The following COL11A1 variants were observed in gnomAD, a reference collection of about 807,000 sequenced individuals.
The protein encoded by COL11A1 is collagen alpha-1(XI) chain.
Under a neutral mutation model 265.2 loss-of-function variants are expected in COL11A1, and 74 were observed. That is an observed-to-expected ratio of 0.28 (90% CI 0.23 to 0.34). The LOEUF is 0.34. Among genes scored for constraint, COL11A1 ranks in the 10% least tolerant of loss-of-function variants. The pLI is 1.00. For missense variants in COL11A1, 2,165 were observed against 2,263.6 expected (o/e 0.96, Z 0.88); for synonymous variants, 816 against 727.6 (o/e 1.12, Z -1.96).
chr1:102,923,889 A>C (rs1023815617), intron 46 of COL11A1, among the ~76,000 whole-genome samples: 2 of 151,996 alleles, frequency 1.3e-5, no homozygotes, highest in African/African-American at 2.4e-5. Flanking sequence ...CAATGAGCCC[A>C]TGAAACCTAC....
At chr1:102,998,732 C>A (rs967511983) in intron 24 of COL11A1, among the ~76,000 whole-genome samples, 7 of 151,506 alleles carry the variant, frequency 4.6e-5, no homozygotes, top group African/African-American at 2.4e-5. Context: ...TGTATTATTT[C>A]CCTCAATAAT....
chr1:102,939,197 G>T, intron 43 of COL11A1, 109 bp from the exon 44 acceptor site: 2 of 974,114 alleles, frequency 2.1e-6, no homozygotes, highest in Non-Finnish European at 3.3e-6. Context: ...ATGCTAGTGT[G>T]TAATGTCACT....
At chr1:103,107,987 G>C in intron 1 of COL11A1, 86 bp downstream of exon 1, 1 of 920,702 alleles carries the variant, frequency 1.1e-6, no homozygotes, top group East Asian at 2.5e-5. Flanking sequence ...TTGAAGAGCG[G>C]GGAGGAAGGG....
At chr1:102,934,062 C>T (rs1036607651) in intron 46 of COL11A1, among the ~76,000 whole-genome samples, 2 of 151,976 alleles carry the variant, frequency 1.3e-5, no homozygotes, top group Admixed American at 6.5e-5. Context: ...GCGTCGCTCA[C>T]GCTGGGAGCT....
At chr1:102,972,991 T>C (rs1662111939) in intron 36 of COL11A1, among the ~76,000 whole-genome samples, 1 of 151,914 alleles carries the variant, frequency 6.6e-6, no homozygotes, top group Admixed American at 6.6e-5. Context: ...TGAATATACA[T>C]CATATATATA....
At chr1:102,970,408 T>C in intron 36 of COL11A1, 136 bp from the exon 37 acceptor site, 1 of 629,510 alleles carries the variant, frequency 1.6e-6, no homozygotes, top group South Asian at 2.2e-5. Context: ...GTTGATTTTA[T>C]ATATGATAAT....
chr1:102,970,127 A>G, intron 37 of COL11A1, 92 bp downstream of exon 37: 2 of 940,998 alleles, frequency 2.1e-6, no homozygotes, highest in Non-Finnish European at 3.4e-6. Flanking sequence ...CAACCTAGTA[A>G]TTGAAATGTT....
chr1:102,902,378 T>A (rs1218571886), intron 54 of COL11A1, among the ~76,000 whole-genome samples: 2 of 152,188 alleles, frequency 1.3e-5, no homozygotes, highest in Non-Finnish European at 2.9e-5. Flanking sequence ...CCAAATTTAG[T>A]ATACAGTTAG....
At position 102,974,523 on chromosome 1, in the gene COL11A1, T is replaced by C. The variant is rs533399864; in HGVS notation, c.2808+307A>G. Among the ~76,000 whole-genome samples, 110 of 151,866 alleles carry C rather than the reference T, an allele frequency of 7.2e-4. 1 individual carries two copies. Among genetic ancestry groups the C allele is most frequent in the African/African-American group, 2.6e-3 (106 of 41,424 alleles). Reference sequence around the variant, plus strand: ...TTCGAATATACCAAATATTTAAGAGTTGATAACAATTTGTAATGTCATCAA... The same window carrying C: ...TTCGAATATACCAAATATTTAAGAGCTGATAACAATTTGTAATGTCATCAA... On this transcript the variant is annotated intron_variant, in intron 36 of 66. Coordinates refer to ENST00000370096, the MANE Select transcript of COL11A1 (RefSeq NM_001854.4).
chr1:102,989,818 T>C (rs1663948674), intron 28 of COL11A1, among the ~76,000 whole-genome samples: 1 of 152,166 alleles, frequency 6.6e-6, no homozygotes, highest in African/African-American at 2.4e-5. Flanking sequence ...AATATGTTCA[T>C]TAAATCTTAT....
chr1:102,893,337 T>C (rs1651998000), intron 57 of COL11A1, among the ~76,000 whole-genome samples: 1 of 152,136 alleles, frequency 6.6e-6, no homozygotes, highest in African/African-American at 2.4e-5. Context: ...TTAATTTATC[T>C]AAGCTAATAA....
chr1:103,067,184 A>C (rs12754301), intron 4 of COL11A1, among the ~76,000 whole-genome samples: 5,709 of 152,078 alleles, frequency 0.038, 122 homozygotes, highest in Middle Eastern at 0.092. Flanking sequence ...GAACAATTTC[A>C]CAATGCACTT....
intron 1 of COL11A1, among the ~76,000 whole-genome samples, chr1:103,105,444 G>A (rs140800666): frequency 7.4e-4 from 112 of 152,018 alleles, no homozygotes; most frequent in African/African-American, 2.6e-3. Flanking sequence ...ATATGACTAG[G>A]TATGAAGTCA....
intron 4 of COL11A1, among the ~76,000 whole-genome samples, chr1:103,073,790 GTA>G (rs1007286569): frequency 7.9e-5 from 12 of 151,708 alleles, no homozygotes; most frequent in Admixed American, 1.3e-4. Context: ...CTGTATGTTT[GTA>G]TATATATATG....
At chr1:102,940,835 G>A (rs930787479) in intron 42 of COL11A1, among the ~76,000 whole-genome samples, 17 of 152,040 alleles carry the variant, frequency 1.1e-4, no homozygotes, top group African/African-American at 4.1e-4. Context: ...GTCCAACTTT[G>A]CCATATGCTT....
At chr1:102,897,870 T>C (rs1005307131) in intron 57 of COL11A1, among the ~76,000 whole-genome samples, 3 of 151,904 alleles carry the variant, frequency 2.0e-5, no homozygotes, top group African/African-American at 7.3e-5. Flanking sequence ...GGATCATTAG[T>C]GGCATTTCAT....
chr1:102,920,161 TAA>T, intron 49 of COL11A1, 148 bp downstream of exon 49: 2 of 781,704 alleles, frequency 2.6e-6, no homozygotes, highest in Non-Finnish European at 4.5e-6. Context: ...ATTTTAACTT[TAA>T]TTTTTGCAAC....
chr1:103,079,162 C>T (rs1346669039), intron 2 of COL11A1, among the ~76,000 whole-genome samples: 1 of 152,058 alleles, frequency 6.6e-6, no homozygotes, highest in South Asian at 2.1e-4. Context: ...AAATATCAAA[C>T]ACATAACCAC....
intron 66 of COL11A1, 81 bp downstream of exon 66, chr1:102,879,602 A>G: frequency 8.0e-7 from 1 of 1,253,644 alleles, no homozygotes; most frequent in Admixed American, 1.7e-5. Context: ...TTCATGAGAA[A>G]AATCTGGCTA....
Sources: gnomAD v4.1 joint callset for allele counts (sites outside exome capture counted in the v4.1 genomes callset) on GRCh38, gnomAD v4.1.1 for gene constraint, MANE v1.5 for transcripts, NCBI Gene and HGNC (gene_info 2026-07-23, HGNC 2026-07-21) for gene names.